The following MACROD2 variants were observed in gnomAD, a reference collection of about 807,000 sequenced individuals.
The protein encoded by MACROD2 is ADP-ribose glycohydrolase MACROD2.
MACROD2 carries 36 observed loss-of-function variants against 70.4 expected under a neutral mutation model. The observed-to-expected ratio is 0.51, with a 90% CI of 0.39 to 0.68. MACROD2 has a LOEUF of 0.68. Among genes scored for constraint, MACROD2 ranks in the 30% least tolerant of loss-of-function variants. The pLI is 0.00. For missense variants in MACROD2, 496 were observed against 538.4 expected, an observed-to-expected ratio of 0.92 and a Z score of 0.78; for synonymous variants, 172 against 178.8, an observed-to-expected ratio of 0.96 and a Z score of 0.30.
At chr20:14,524,609 T>TA (rs1235611278) in intron 4 of MACROD2, among the ~76,000 whole-genome samples, 13 of 152,132 alleles carry the variant, frequency 8.5e-5, no homozygotes, top group African/African-American at 2.9e-4. Flanking sequence ...GCCTACCACT[T>TA]ACGTATACAT....
intron 13 of MACROD2, among the ~76,000 whole-genome samples, chr20:15,970,230 A>G (rs1415195543): frequency 6.6e-6 from 1 of 152,150 alleles, no homozygotes; most frequent in East Asian, 1.9e-4. Flanking sequence ...GTAGAAAGCT[A>G]TTAATCCCAG....
intron 2 of MACROD2, among the ~76,000 whole-genome samples, chr20:14,071,690 C>T (rs1269599947): frequency 6.6e-6 from 1 of 152,158 alleles, no homozygotes; most frequent in Non-Finnish European, 1.5e-5. Context: ...GATATCTCTA[C>T]CTCATAAAAT....
intron 3 of MACROD2, among the ~76,000 whole-genome samples, chr20:14,347,342 G>A (rs2083074258): frequency 6.6e-6 from 1 of 152,112 alleles, no homozygotes; most frequent in Non-Finnish European, 1.5e-5. Flanking sequence ...TTTGGGGATG[G>A]ATAGAGGAAT....
chr20:14,897,533 G>A (rs1206822702), intron 5 of MACROD2, among the ~76,000 whole-genome samples: 1 of 152,060 alleles, frequency 6.6e-6, no homozygotes, highest in Non-Finnish European at 1.5e-5. Flanking sequence ...CTACATCTTA[G>A]TTTCAGCACA....
chr20:16,003,123 A>ACACACAC (rs1555806741), intron 15 of MACROD2, among the ~76,000 whole-genome samples: 1 of 134,328 alleles, frequency 7.4e-6, no homozygotes, highest in Admixed American at 7.4e-5. Context: ...CACACACACA[A>ACACACAC]ACAATCTCTA....
At chr20:15,099,078 C>T (rs1441436504) in intron 5 of MACROD2, among the ~76,000 whole-genome samples, 1 of 152,176 alleles carries the variant, frequency 6.6e-6, no homozygotes, top group Non-Finnish European at 1.5e-5. Flanking sequence ...TCATGTAATA[C>T]ATGTCTGAAC....
chr20:14,486,113 G>A (rs548310256), intron 3 of MACROD2, among the ~76,000 whole-genome samples: 34 of 152,188 alleles, frequency 2.2e-4, no homozygotes, highest in East Asian at 1.9e-4. Context: ...GTGTAGTGTA[G>A]GAGAAACTCA....
chr20:14,031,043 C>T (rs117966207), intron 2 of MACROD2, among the ~76,000 whole-genome samples: 25 of 152,302 alleles, frequency 1.6e-4, no homozygotes, highest in Admixed American at 6.5e-4. Flanking sequence ...AGTTAACACT[C>T]CTAATTTAGT....
At chr20:14,355,067 C>T (rs1274712373) in intron 3 of MACROD2, among the ~76,000 whole-genome samples, 1 of 152,184 alleles carries the variant, frequency 6.6e-6, no homozygotes, top group African/African-American at 2.4e-5. Flanking sequence ...CCATGTCTTT[C>T]TATTGTGAAC....
At chr20:14,488,786 T>A (rs499986) in intron 3 of MACROD2, among the ~76,000 whole-genome samples, 27,490 of 152,084 alleles carry the variant, frequency 0.18, 2,762 homozygotes, top group South Asian at 0.36. Context: ...GTGGGGTTTT[T>A]GTTTGTTTGT....
intron 13 of MACROD2, among the ~76,000 whole-genome samples, chr20:15,976,738 A>G (rs1156243701): frequency 1.3e-5 from 2 of 149,566 alleles, no homozygotes; most frequent in Non-Finnish European, 3.0e-5. Context: ...TTTATTTAAG[A>G]AAAATGAGAA....
intron 5 of MACROD2, among the ~76,000 whole-genome samples, chr20:14,726,359 C>T (rs545870812): frequency 6.6e-6 from 1 of 152,288 alleles, no homozygotes; most frequent in South Asian, 2.1e-4. Context: ...AAAGGTTACG[C>T]TTGATGCTTT....
chr20:16,016,660 C>G (rs6135640), intron 15 of MACROD2, among the ~76,000 whole-genome samples: 1 of 152,030 alleles, frequency 6.6e-6, no homozygotes, highest in East Asian at 1.9e-4. Flanking sequence ...CTCAGCCTCC[C>G]GAGTAGCTGG....
chr20:15,139,287 T>G (rs1303501689), intron 5 of MACROD2, among the ~76,000 whole-genome samples: 4 of 152,140 alleles, frequency 2.6e-5, no homozygotes, highest in Non-Finnish European at 5.9e-5. Context: ...TAAATTGTCT[T>G]TTTGGGTGCC....
At chr20:15,657,057 A>G (rs2049742025) in intron 8 of MACROD2, among the ~76,000 whole-genome samples, 1 of 152,176 alleles carries the variant, frequency 6.6e-6, no homozygotes, top group Admixed American at 6.5e-5. Context: ...AAGGAAGGAA[A>G]GAAGAATTGC....
Position 14,674,193 on chromosome 20 carries a change from G to A in MACROD2, c.302-10650G>A, listed in dbSNP as rs142398861. On this transcript the variant is annotated intron_variant, in intron 4 of 17. Coordinates refer to ENST00000684519, the MANE Select transcript of MACROD2 (RefSeq NM_001351661.2). ...TTTGGGTCCCAAGGAAAGAGACTAT[G>A]GTTTATATTTCCTTTCTTCTCTGCA... 3.3e-5 allele frequency among the ~76,000 whole-genome samples: 5 copies of A among 152,188 alleles called. No individual in the cohort carries two copies. The East Asian group carries it at 9.6e-4, about 29-fold the overall frequency.
At chr20:15,136,763 G>C (rs1393559001) in intron 5 of MACROD2, among the ~76,000 whole-genome samples, 2 of 152,060 alleles carry the variant, frequency 1.3e-5, no homozygotes, top group African/African-American at 2.4e-5. Context: ...ACTACCGTCA[G>C]AATGAACAGG....
chr20:14,266,766 A>G (rs985815269), intron 3 of MACROD2, among the ~76,000 whole-genome samples: 2 of 152,212 alleles, frequency 1.3e-5, no homozygotes, highest in African/African-American at 2.4e-5. Flanking sequence ...TGTTATATGT[A>G]TATGTATTTG....
intron 5 of MACROD2, among the ~76,000 whole-genome samples, chr20:15,152,495 A>AAGGGATTGGGGCACAGAGATAAGAGGTTG (rs1351354651): frequency 2.1e-5 from 3 of 144,610 alleles, no homozygotes; most frequent in East Asian, 4.2e-4. Context: ...ATAAGAGGTT[A>AAGGGATTGGGGCACAGAGATAAGAGGTTG]GGGCATGGAA....
Sources: allele counts gnomAD v4.1 joint callset (sites outside exome capture counted in the v4.1 genomes callset), GRCh38; gene constraint gnomAD v4.1.1; transcripts MANE v1.5; gene names NCBI Gene and HGNC (gene_info 2026-07-23, HGNC 2026-07-21).